TLCD3B: variants seen among roughly 807,000 people sequenced by gnomAD.
TLCD3B encodes the protein ceramide synthase.
A neutral mutation model predicts 23.0 loss-of-function variants in TLCD3B; 9 were observed. The ratio of observed to expected loss-of-function variants is 0.39; its 90% CI spans 0.24 to 0.68. The LOEUF is 0.68. Among genes scored for constraint, TLCD3B ranks in the 30% least tolerant of loss-of-function variants. The probability of loss-of-function intolerance (pLI) is 0.44; values close to 1 mark genes in which losing one functional copy is unlikely to be tolerated. For missense variants in TLCD3B, 307 were observed against 371.8 expected, an observed-to-expected ratio of 0.83 and a Z score of 1.43; for synonymous variants, 161 against 161.0, an observed-to-expected ratio of 1.00 and a Z score of 0.00.
At chr16:30,030,154 A>AGGGTGGGG in intron 1 of TLCD3B, 1 of 1,469,734 alleles carries the variant, frequency 6.8e-7, no homozygotes, top group Non-Finnish European at 9.2e-7. Context: ...GGAGGGTGGG[A>AGGGTGGGG]GGGTGTACGG....
chr16:30,028,955 C>A (rs539320906), intron 2 of TLCD3B, among the ~76,000 whole-genome samples: 1 of 152,328 alleles, frequency 6.6e-6, no homozygotes, highest in Admixed American at 6.5e-5. Flanking sequence ...CATCCCCTCC[C>A]GCACTGCCTG....
At chr16:30,044,695 T>C (rs1253996590) in intron 2 of TLCD3B, among the ~76,000 whole-genome samples, 1 of 152,120 alleles carries the variant, frequency 6.6e-6, no homozygotes, top group African/African-American at 2.4e-5. Context: ...ACAAAAAATA[T>C]ACAAAATGAA....
intron 1 of TLCD3B, among the ~76,000 whole-genome samples, chr16:30,051,598 C>T (rs79968733): frequency 6.6e-6 from 1 of 151,778 alleles, no homozygotes; most frequent in Non-Finnish European, 1.5e-5. Context: ...TTCACCAAGG[C>T]TCCCAGGGCT....
At chr16:30,041,237 T>G (rs1413703637) in intron 2 of TLCD3B, 1 of 152,086 alleles carries the variant, frequency 6.6e-6, no homozygotes, top group African/African-American at 2.4e-5. Context: ...CCACAAGAGA[T>G]ATCTTTTATT....
At chr16:30,049,750 C>G (rs1000238332) in intron 1 of TLCD3B, among the ~76,000 whole-genome samples, 1 of 152,036 alleles carries the variant, frequency 6.6e-6, no homozygotes, top group Non-Finnish European at 1.5e-5. Context: ...CATGGTGAAA[C>G]CCTGTCTCTA....
intron 2 of TLCD3B, among the ~76,000 whole-genome samples, chr16:30,045,800 A>G (rs2071664924): frequency 6.6e-6 from 1 of 150,746 alleles, no homozygotes; most frequent in East Asian, 1.9e-4. Context: ...GGGATGCACC[A>G]CATACTCTGA....
At chr16:30,027,550 T>C (rs1227614151) in intron 2 of TLCD3B, 2 of 455,912 alleles carry the variant, frequency 4.4e-6, no homozygotes, top group Non-Finnish European at 8.8e-6. Flanking sequence ...TCAGCGCTGT[T>C]CGCCCTGCCC....
At chr16:30,045,575 G>A (rs1235894027) in intron 2 of TLCD3B, among the ~76,000 whole-genome samples, 2 of 143,476 alleles carry the variant, frequency 1.4e-5, no homozygotes, top group South Asian at 2.3e-4. Context: ...TGTGGTGTAT[G>A]TGGTATGTGT....
chr16:30,031,599 G>A (rs557103779), upstream of TLCD3B, among the ~76,000 whole-genome samples: 110 of 152,336 alleles, frequency 7.2e-4, no homozygotes, highest in Non-Finnish European at 1.3e-3. Flanking sequence ...CCTGGGAGAG[G>A]GAGTAAGTGG....
chr16:30,048,135 T>C (rs2071701078), intron 1 of TLCD3B, among the ~76,000 whole-genome samples: 1 of 130,636 alleles, frequency 7.7e-6, no homozygotes, highest in Non-Finnish European at 1.6e-5. Flanking sequence ...AGAGTGAAAC[T>C]TCGCCTCCAA....
upstream of TLCD3B, among the ~76,000 whole-genome samples, chr16:30,034,721 G>A (rs8054507): frequency 0.46 from 69,247 of 151,834 alleles, 15,966 homozygotes; most frequent in African/African-American, 0.48. Context: ...AGAGCCCACA[G>A]CCCTCATATT....
exon 3 of TLCD3B, chr16:30,041,045 T>C (rs2071572937): frequency 6.6e-6 from 1 of 152,262 alleles, no homozygotes; most frequent in African/African-American, 2.4e-5. Context: ...CATGAGCTGG[T>C]TAGAGTCAGG....
chr16:30,026,537 G>C, intron 3 of TLCD3B, 72 bp downstream of exon 3: 1 of 1,375,182 alleles, frequency 7.3e-7, no homozygotes, highest in Non-Finnish European at 1.0e-6. Context: ...GGCTTCCCAG[G>C]CTCCTGCCAG....
Position 30,041,759 on chromosome 16 carries a change from G to A in TLCD3B, c.-228-603C>T, listed in dbSNP as rs551442507. 1.7e-3 allele frequency among the ~76,000 whole-genome samples: 255 copies of A among 148,968 alleles called. 14 individuals are homozygous for A. In the South Asian group the frequency reaches 0.054, roughly 32 times the overall value. ...AAAAAAGTGTTGGGATTACAGAGGT[G>A]AGCCATGGCGCCCAGCCGAGATATC... On this transcript the variant is annotated intron_variant, in intron 2 of 6. Transcript: ENST00000561666.
In TLCD3B at chr16:30,029,153, ACC is replaced by A. The variant is rs901416340; in HGVS notation, c.209+277_209+278del. 6.6e-6 allele frequency among the ~76,000 whole-genome samples: 1 copy of A among 152,126 alleles called. No homozygotes were observed. The highest frequency in any genetic ancestry group is 2.4e-5 in the African/African-American group (1 of 41,424). On this transcript the variant is annotated intron_variant, in intron 2 of 4. Transcript: ENST00000380495. The surrounding 1 kb of genome is among the most constrained non-coding windows in gnomAD (Gnocchi z 4.6). ...GTGGAAGGCAGGGAGGAGGTGGGGA[ACC>A]ACGACAACACGGGAGACCTGGAAGC...
chr16:30,035,590 C>G, upstream of TLCD3B: 2 of 1,109,126 alleles, frequency 1.8e-6, no homozygotes, highest in Non-Finnish European at 2.3e-6. Flanking sequence ...CCAAGAGACC[C>G]ATCCATCTGT....
chr16:30,032,896 C>T (rs1270179139), upstream of TLCD3B: 1 of 152,128 alleles, frequency 6.6e-6, no homozygotes, highest in African/African-American at 2.4e-5. Flanking sequence ...GATCCACCCA[C>T]CTCTGCCTCC....
rs763939015 is a variant in TLCD3B at position 30,025,760 on chromosome 16, G to A, written c.506C>T (p.Thr169Met). 5 of 1,614,032 alleles carry A rather than the reference G, an allele frequency of 3.1e-6. No individual in the cohort carries two copies. The highest frequency in any genetic ancestry group is 4.2e-6 in the Non-Finnish European group (5 of 1,180,028). ...LGCMLMAEVS[T>M]PFVCLGKILI... The stretch of plus-strand genomic sequence containing the variant: ...GATCTTGCCAAGGCAGACGAAGGGC[G>A]TGCTGACCTCTGCCATCAACATGCA... The change falls in exon 4 of 5, where the codon ACG (threonine) becomes ATG (methionine). Residue 169 changes from threonine (T) to methionine (M), a missense_variant. Transcript: ENST00000380495. This position sits in a 1 kb window ranked among gnomAD's most constrained non-coding sequence, Gnocchi z 4.1.
rs878975550 is a variant in TLCD3B, at chr16:30,025,205, G to C, written c.803C>G (p.Pro268Arg). The stretch of plus-strand genomic sequence containing the variant: ...GCCTCAGTCCTGGGCCTGGCAGGCC[G>C]GGGGCGGCCGGGAGCGGGGCCAGAA... ...RLFWPRSRPP[P>R]ACQAQD The change falls in exon 5 of 5, where the codon CCG (proline) becomes CGG (arginine). Residue 268 changes from proline (P) to arginine (R), a missense_variant. Transcript: ENST00000380495. This position sits in a 1 kb window ranked among gnomAD's most constrained non-coding sequence, Gnocchi z 4.1. 4.7e-6 allele frequency: 7 copies of C among 1,487,758 alleles called. No individual in the cohort carries two copies. The highest frequency in any genetic ancestry group is 4.3e-5 in the African/African-American group (3 of 70,200). 92.2% of individuals were successfully genotyped at this position (1,487,758 alleles called of 1,614,324 possible). A position where few individuals can be genotyped will look rare whatever the true frequency, so the allele number is the denominator to read the frequency against.
Sources: allele counts gnomAD v4.1 joint callset (sites outside exome capture counted in the v4.1 genomes callset), GRCh38; gene constraint gnomAD v4.1.1; non-coding constraint Gnocchi (gnomAD v3.1); transcripts MANE v1.5; gene names NCBI Gene and HGNC (gene_info 2026-07-23, HGNC 2026-07-21).